Variants in FAM53B observed in about 807,000 individuals in gnomAD.
FAM53B encodes protein FAM53B.
In FAM53B, 12 loss-of-function variants were observed where a neutral mutation model predicts 32.7. The observed-to-expected ratio is 0.37, with a 90% CI of 0.24 to 0.59. The LOEUF (loss-of-function observed/expected upper bound fraction) is 0.59, where lower values mean the gene tolerates loss of function less well. FAM53B is among the 20% of genes least tolerant of loss of function. FAM53B has a pLI of 0.72. For synonymous variants in FAM53B, 234 were observed against 228.7 expected, an observed-to-expected ratio of 1.02 and a Z score of -0.21; for missense variants, 477 against 577.7, an observed-to-expected ratio of 0.83 and a Z score of 1.79.
Position 124,619,528 on chromosome 10 carries a change from A to G in FAM53B, c.*3714T>C, listed in dbSNP as rs1263861433. On this transcript the variant is annotated 3_prime_UTR_variant, in exon 5 of 5. Coordinates refer to ENST00000337318, the MANE Select transcript of FAM53B (RefSeq NM_014661.4). Reference sequence around the variant, plus strand: ...CAGCCCCAGAAACAGCCTATGTGCTATCTGTCGCCCCAGCCCCCAGGACAG... The same window carrying G: ...CAGCCCCAGAAACAGCCTATGTGCTGTCTGTCGCCCCAGCCCCCAGGACAG... 6.6e-6 allele frequency: 1 copy of G among 152,404 alleles called. No individual in the cohort carries two copies. Among genetic ancestry groups the G allele is most frequent in the Non-Finnish European group, 1.5e-5 (1 of 68,084 alleles). 9.4% of individuals were successfully genotyped at this position (152,404 alleles called of 1,614,324 possible).
chr10:124,666,137 C>T (rs973168328), intron 4 of FAM53B, among the ~76,000 whole-genome samples: 24 of 152,218 alleles, frequency 1.6e-4, no homozygotes, highest in African/African-American at 5.5e-4. Context: ...GGCAGGGCCA[C>T]GTTCCTGAAG....
intron 1 of FAM53B, among the ~76,000 whole-genome samples, chr10:124,739,600 T>C (rs1204637275): frequency 6.6e-6 from 1 of 152,178 alleles, no homozygotes. Context: ...TTCACCCTCC[T>C]GAGACTGGCA....
At chr10:124,703,709 C>T (rs764978018) in intron 2 of FAM53B, 1 of 152,608 alleles carries the variant, frequency 6.6e-6, no homozygotes, top group Non-Finnish European at 1.5e-5. Context: ...GCACTGCACA[C>T]TGGGTGGTTC....
At chr10:124,713,657 A>G (rs1950020013) in intron 1 of FAM53B, 1 of 152,256 alleles carries the variant, frequency 6.6e-6, no homozygotes, top group Non-Finnish European at 1.5e-5. Context: ...TCTGTAATGC[A>G]TTTTGAAGGG....
chr10:124,727,632 A>G (rs1311650280), intron 1 of FAM53B, among the ~76,000 whole-genome samples: 1 of 152,038 alleles, frequency 6.6e-6, no homozygotes, highest in Non-Finnish European at 1.5e-5. Flanking sequence ...TAACCTGGAG[A>G]GCCAGAAAAT....
chr10:124,736,676 G>T (rs907622466), intron 1 of FAM53B, among the ~76,000 whole-genome samples: 5 of 152,382 alleles, frequency 3.3e-5, no homozygotes, highest in African/African-American at 1.2e-4. Context: ...GCCTGGGAGG[G>T]AGGGTGGCCT....
At chr10:124,669,816 C>G (rs999507880) in intron 4 of FAM53B, among the ~76,000 whole-genome samples, 3 of 152,140 alleles carry the variant, frequency 2.0e-5, no homozygotes, top group African/African-American at 4.8e-5. Context: ...CCTCGGCACT[C>G]CCTTTTCTTC....
chr10:124,688,590 A>G (rs985184029), intron 3 of FAM53B, among the ~76,000 whole-genome samples: 16 of 152,178 alleles, frequency 1.1e-4, no homozygotes, highest in African/African-American at 3.6e-4. Flanking sequence ...GCAGTTTCTG[A>G]CTTTTGACTA....
chr10:124,673,685 C>A (rs918493180), intron 4 of FAM53B, among the ~76,000 whole-genome samples: 2 of 152,168 alleles, frequency 1.3e-5, no homozygotes, highest in Admixed American at 6.5e-5. Flanking sequence ...CTCCATATGA[C>A]ACAAAACTAG....
intron 3 of FAM53B, among the ~76,000 whole-genome samples, chr10:124,693,544 G>A (rs1949849160): frequency 6.6e-6 from 1 of 152,044 alleles, no homozygotes; most frequent in Non-Finnish European, 1.5e-5. Context: ...CCCAGTTCAT[G>A]GAGCACACGG....
At chr10:124,736,902 C>CTCTTACAGCAG in intron 1 of FAM53B, among the ~76,000 whole-genome samples, 1 of 152,226 alleles carries the variant, frequency 6.6e-6, no homozygotes, top group African/African-American at 2.4e-5. Context: ...GGGCAATGCA[C>CTCTTACAGCAG]GTGTCTTACA....
chr10:124,726,101 T>C (rs939955404), intron 1 of FAM53B, among the ~76,000 whole-genome samples: 7 of 152,180 alleles, frequency 4.6e-5, no homozygotes, highest in African/African-American at 1.4e-4. Context: ...CAGCTGTGTC[T>C]AGTAAGCCCT....
chr10:124,655,482 C>T (rs1054044777), intron 4 of FAM53B, among the ~76,000 whole-genome samples: 63 of 151,976 alleles, frequency 4.1e-4, no homozygotes, highest in Admixed American at 3.7e-3. Flanking sequence ...ACGATACCAG[C>T]AGGAAACACG....
At chr10:124,650,447 T>C (rs527303532) in intron 4 of FAM53B, among the ~76,000 whole-genome samples, 83 of 152,326 alleles carry the variant, frequency 5.4e-4, no homozygotes, top group African/African-American at 2.0e-3. Flanking sequence ...ATGGTGATGA[T>C]GGTGATGACA....
chr10:124,635,589 C>CGTG (rs562144650), intron 4 of FAM53B, among the ~76,000 whole-genome samples: 34 of 152,272 alleles, frequency 2.2e-4, no homozygotes, highest in African/African-American at 8.2e-4. Flanking sequence ...CCACCCTGAA[C>CGTG]GTGGCCCTCT....
rs371372153 is a variant in FAM53B at position 124,706,730 on chromosome 10, G to A, written c.-17C>T. 100 of 1,613,910 alleles carry A rather than the reference G, an allele frequency of 6.2e-5. No individual in the cohort carries two copies. In the Middle Eastern group the frequency reaches 1.2e-3, roughly 19 times the overall value. ...CATCACCATGATAAGGGCCTCAGGC[G>A]CTGGGCTCCATCCCAGGGTGGGTAT... On this transcript the variant is annotated 5_prime_UTR_variant, in exon 2 of 5. Transcript: ENST00000337318.
chr10:124,643,738 C>T (rs113273348), intron 4 of FAM53B, among the ~76,000 whole-genome samples: 8 of 152,220 alleles, frequency 5.3e-5, no homozygotes, highest in Non-Finnish European at 8.8e-5. Context: ...AACGTGATTT[C>T]CCCCACAGGG....
intron 4 of FAM53B, among the ~76,000 whole-genome samples, chr10:124,657,780 C>T (rs1563273): frequency 0.92 from 140,400 of 152,228 alleles, 65,471 homozygotes; most frequent in Non-Finnish European, 0.99. Flanking sequence ...GACATTTCAC[C>T]TAACTCCCTC....
chr10:124,660,808 G>C (rs556400274), intron 4 of FAM53B, among the ~76,000 whole-genome samples: 2 of 152,166 alleles, frequency 1.3e-5, no homozygotes, highest in Non-Finnish European at 2.9e-5. Flanking sequence ...ATCGGGCTCT[G>C]TCATAATGAC....
Sources: allele counts gnomAD v4.1 joint callset (sites outside exome capture counted in the v4.1 genomes callset), GRCh38; gene constraint gnomAD v4.1.1; transcripts MANE v1.5; gene names NCBI Gene and HGNC (gene_info 2026-07-23, HGNC 2026-07-21).